The following PIK3C2G variants were observed in gnomAD, a reference collection of about 807,000 sequenced individuals.
PIK3C2G encodes the protein phosphatidylinositol 3-kinase C2 domain-containing subunit gamma.
Under a neutral mutation model 181.1 loss-of-function variants are expected in PIK3C2G, and 168 were observed. That is an observed-to-expected ratio of 0.93 (90% CI 0.82 to 1.05). The LOEUF (loss-of-function observed/expected upper bound fraction) is 1.05, where lower values mean the gene tolerates loss of function less well. Among genes scored for constraint, PIK3C2G ranks in the 50% least tolerant of loss-of-function variants. The pLI, the probability that PIK3C2G is intolerant of heterozygous loss-of-function variation, is 0.00. For missense variants in PIK3C2G, 1,869 were observed against 1,732.8 expected (o/e 1.08, Z -1.40); for synonymous variants, 573 against 592.2 (o/e 0.97, Z 0.47).
rs569332521 is a variant in PIK3C2G at position 18,585,120 on chromosome 12, A to T, written c.4012-9374A>T. On this transcript the variant is annotated intron_variant, in intron 29 of 32. Coordinates refer to ENST00000538779, the MANE Select transcript of PIK3C2G (RefSeq NM_001288772.2). ...AAGTACACCGACCAGTGACACTCTA[A>T]AGCAAACACACAAACAAGCTGGCAT... Among the ~76,000 whole-genome samples the T allele has an allele frequency of 2.0e-5, 3 of 152,306 alleles. No individual in the cohort carries two copies. The South Asian group carries it at 6.2e-4, about 32-fold the overall frequency.
intron 29 of PIK3C2G, among the ~76,000 whole-genome samples, chr12:18,573,966 T>A (rs1565522500): frequency 6.6e-6 from 1 of 152,162 alleles, no homozygotes. Flanking sequence ...CCATCTCACA[T>A]GTGGATCAAA....
chr12:18,484,188 A>G (rs917121241), intron 18 of PIK3C2G, among the ~76,000 whole-genome samples: 2 of 152,208 alleles, frequency 1.3e-5, no homozygotes, highest in Non-Finnish European at 2.9e-5. Flanking sequence ...GTCACATGAC[A>G]AAGAGTCTAG....
chr12:18,457,550 A>G (rs74457192), intron 18 of PIK3C2G, among the ~76,000 whole-genome samples: 4,963 of 152,206 alleles, frequency 0.033, 261 homozygotes, highest in African/African-American at 0.11. Flanking sequence ...TACCACTCCA[A>G]AAATTTCCCT....
chr12:18,656,904 A>C, the PIK3C2G span, among the ~76,000 whole-genome samples: 1 of 152,192 alleles, frequency 6.6e-6, no homozygotes, highest in African/African-American at 2.4e-5. Flanking sequence ...TGTGGTGTTA[A>C]AGTTACTTTG....
intron 18 of PIK3C2G, among the ~76,000 whole-genome samples, chr12:18,479,154 C>T (rs1485465391): frequency 6.6e-6 from 1 of 151,606 alleles, no homozygotes; most frequent in African/African-American, 2.4e-5. Flanking sequence ...TATACACACA[C>T]ATACATACAT....
At chr12:18,580,315 G>A (rs1189722475) in intron 29 of PIK3C2G, among the ~76,000 whole-genome samples, 1 of 152,092 alleles carries the variant, frequency 6.6e-6, no homozygotes, top group East Asian at 1.9e-4. Flanking sequence ...CAGTACTGTT[G>A]TTCATTACCA....
chr12:18,684,352 TC>T, the PIK3C2G span: 1 of 1,437,226 alleles, frequency 7.0e-7, no homozygotes. Flanking sequence ...ACATTTGTTC[TC>T]CAAACTTTTT....
chr12:18,387,032 C>G (rs1334621304), intron 14 of PIK3C2G, among the ~76,000 whole-genome samples: 1 of 152,034 alleles, frequency 6.6e-6, no homozygotes, highest in Non-Finnish European at 1.5e-5. Flanking sequence ...CAAACGGAGC[C>G]CACTTCCTCT....
At chr12:18,315,188 C>T (rs1016027968) in intron 6 of PIK3C2G, among the ~76,000 whole-genome samples, 1 of 151,934 alleles carries the variant, frequency 6.6e-6, no homozygotes, top group African/African-American at 2.4e-5. Context: ...TCAGGTAGTA[C>T]ATTAGGTTGC....
chr12:18,247,203 G>A (rs1948049255), upstream of PIK3C2G, among the ~76,000 whole-genome samples: 1 of 152,114 alleles, frequency 6.6e-6, no homozygotes, highest in African/African-American at 2.4e-5. Context: ...TAGAGAACCA[G>A]GTTTGGATTA....
In PIK3C2G at chr12:18,620,931, T is replaced by C. The variant is rs148036543; in HGVS notation, c.4182+11302T>C. ...ATAAAAACTGTTTAGTGGTACAGGA[T>C]AAAGATAAGTATCTAAGGTATATAG... On this transcript the variant is annotated intron_variant, in intron 31 of 32. Coordinates refer to ENST00000538779, the MANE Select transcript of PIK3C2G (RefSeq NM_001288772.2). Among the ~76,000 whole-genome samples the C allele has an allele frequency of 7.1e-3, 1,084 of 152,192 alleles. 7 individuals carry two copies. The highest frequency in any genetic ancestry group is 0.01 in the African/African-American group (416 of 41,558).
the PIK3C2G span, chr12:18,683,277 G>C: frequency 6.2e-7 from 1 of 1,612,546 alleles, no homozygotes; most frequent in Admixed American, 1.7e-5. Context: ...AGTGAAGCAG[G>C]CTCAAGGCTC....
chr12:18,396,565 A>G (rs1269823280), intron 15 of PIK3C2G, among the ~76,000 whole-genome samples: 1 of 151,628 alleles, frequency 6.6e-6, no homozygotes, highest in Non-Finnish European at 1.5e-5. Flanking sequence ...AATAAAACTG[A>G]CTATTTTTAC....
chr12:18,523,886 G>C (rs1489857320), intron 24 of PIK3C2G, among the ~76,000 whole-genome samples: 1 of 152,198 alleles, frequency 6.6e-6, no homozygotes, highest in African/African-American at 2.4e-5. Flanking sequence ...TCAACCCTGG[G>C]AAGACTTGTG....
At chr12:18,486,777 C>G (rs946020937) in intron 18 of PIK3C2G, among the ~76,000 whole-genome samples, 6 of 152,072 alleles carry the variant, frequency 3.9e-5, no homozygotes, top group Non-Finnish European at 2.9e-5. Flanking sequence ...CCCATGTAGA[C>G]TATAAAATGG....
At chr12:18,575,913 TA>T (rs1189922670) in intron 29 of PIK3C2G, among the ~76,000 whole-genome samples, 1 of 152,212 alleles carries the variant, frequency 6.6e-6, no homozygotes, top group African/African-American at 2.4e-5. Context: ...TAGCACATAC[TA>T]GCCTATAAAA....
chr12:18,396,168 T>G (rs1294187703), intron 15 of PIK3C2G, among the ~76,000 whole-genome samples: 1 of 151,616 alleles, frequency 6.6e-6, no homozygotes, highest in Non-Finnish European at 1.5e-5. Flanking sequence ...TATAAGCAAT[T>G]AGATTTTATA....
intron 10 of PIK3C2G, among the ~76,000 whole-genome samples, chr12:18,344,915 A>G (rs887495252): frequency 1.3e-5 from 2 of 152,210 alleles, no homozygotes; most frequent in African/African-American, 4.8e-5. Flanking sequence ...ATGCATAAGC[A>G]TACATCTCTA....
intron 5 of PIK3C2G, among the ~76,000 whole-genome samples, chr12:18,299,481 C>G (rs1017395926): frequency 1.3e-5 from 2 of 151,932 alleles, no homozygotes; most frequent in Non-Finnish European, 2.9e-5. Context: ...ATCCTGTCAT[C>G]TGCAAAGAGG....
Sources: gnomAD v4.1 joint callset for allele counts (sites outside exome capture counted in the v4.1 genomes callset) on GRCh38, gnomAD v4.1.1 for gene constraint, MANE v1.5 for transcripts, NCBI Gene and HGNC (gene_info 2026-07-23, HGNC 2026-07-21) for gene names.